Variants in BBS9 observed in about 807,000 individuals in gnomAD.
BBS9 encodes the protein Bardet-Biedl syndrome 9.
A neutral mutation model predicts 117.7 loss-of-function variants in BBS9; 89 were observed. That is an observed-to-expected ratio of 0.76 (90% CI 0.64 to 0.90). BBS9 has a LOEUF of 0.90. Ranked by LOEUF, BBS9 falls within the 40% of genes least tolerant of loss-of-function variation. The probability of loss-of-function intolerance (pLI) is 0.00; values close to 1 mark genes in which losing one functional copy is unlikely to be tolerated. For missense variants in BBS9, 982 were observed against 1,042.2 expected, an observed-to-expected ratio of 0.94 and a Z score of 0.80; for synonymous variants, 379 against 370.9, an observed-to-expected ratio of 1.02 and a Z score of -0.25.
chr7:33,558,003 T>C (rs1855539804), intron 21 of BBS9, among the ~76,000 whole-genome samples: 1 of 152,214 alleles, frequency 6.6e-6, no homozygotes, highest in African/African-American at 2.4e-5. Flanking sequence ...AGTCAGTTCA[T>C]AGAAAGAAGT....
intron 5 of BBS9, among the ~76,000 whole-genome samples, chr7:33,223,850 G>T (rs562176706): frequency 6.6e-6 from 1 of 152,134 alleles, no homozygotes; most frequent in East Asian, 1.9e-4. Flanking sequence ...GATAGCTTCC[G>T]CTCCAAGGCT....
At chr7:33,414,431 A>T (rs758573453) in intron 19 of BBS9, among the ~76,000 whole-genome samples, 1 of 152,216 alleles carries the variant, frequency 6.6e-6, no homozygotes, top group Non-Finnish European at 1.5e-5. Context: ...TAGAAAATTT[A>T]TAAAATTCAG....
At position 33,383,987 on chromosome 7, in the gene BBS9, C is replaced by T. The variant is rs1584590352; in HGVS notation, c.1962+149C>T. The stretch of plus-strand genomic sequence containing the variant: ...GATGGTGGATTTCGTGAATCCATTC[C>T]TGCCCACTTGCCCAGTTTGTGATCA... On this transcript the variant is annotated intron_variant, in intron 18 of 22. Transcript: ENST00000242067. The T allele has an allele frequency of 7.2e-6, 6 of 834,988 alleles. No homozygotes were observed. In the East Asian group the frequency reaches 8.1e-5, roughly 11 times the overall value. The allele number at this position is 834,988 out of a possible 1,614,324, so 51.7% of individuals were successfully genotyped here.
At chr7:33,168,298 T>A (rs1477100132) in intron 4 of BBS9, among the ~76,000 whole-genome samples, 1 of 152,180 alleles carries the variant, frequency 6.6e-6, no homozygotes, top group Non-Finnish European at 1.5e-5. Context: ...AAAATAATGG[T>A]CATTCGTTTA....
At chr7:33,274,994 C>CAA (rs763041758) in intron 9 of BBS9, among the ~76,000 whole-genome samples, 2,778 of 57,518 alleles carry the variant, frequency 0.048, 119 homozygotes, top group African/African-American at 0.095. Context: ...GACTGTGTCT[C>CAA]AAAAAAAAAA....
intron 20 of BBS9, among the ~76,000 whole-genome samples, chr7:33,514,635 T>C (rs1847466286): frequency 2.0e-5 from 3 of 152,214 alleles, no homozygotes; most frequent in Admixed American, 2.0e-4. Context: ...GAGAAAAATA[T>C]AGAATAAGTT....
In BBS9 at chr7:33,206,110, G is replaced by A. The variant is rs956943761; in HGVS notation, c.442+28519G>A. Among the ~76,000 whole-genome samples the A allele has an allele frequency of 3.9e-5, 6 of 152,028 alleles. No homozygotes were observed. The South Asian group carries it at 6.2e-4, about 16-fold the overall frequency. On this transcript the variant is annotated intron_variant, in intron 5 of 22. Transcript: ENST00000242067. The stretch of plus-strand genomic sequence containing the variant: ...TTCCCCTGGCAGGGAGGTCATCTGC[G>A]CATTCATCAAATATGTGTGAGCAAA...
chr7:33,534,205 A>G, intron 21 of BBS9, 29 bp downstream of exon 21: 1 of 1,595,536 alleles, frequency 6.3e-7, no homozygotes, highest in Non-Finnish European at 8.6e-7. Flanking sequence ...CTCCCTAATC[A>G]CAATTGTACT....
intron 21 of BBS9, among the ~76,000 whole-genome samples, chr7:33,550,381 A>T (rs1372037278): frequency 6.6e-6 from 1 of 152,240 alleles, no homozygotes; most frequent in Non-Finnish European, 1.5e-5. Context: ...ACAGTCATTA[A>T]GACTTATTTT....
rs918846084 is a variant in BBS9 at position 33,522,316 on chromosome 7, C to T, written c.2299-11638C>T. 8.6e-4 allele frequency among the ~76,000 whole-genome samples: 130 copies of T among 152,004 alleles called. 2 individuals are homozygous for T. The highest frequency in any genetic ancestry group is 2.9e-3 in the African/African-American group (120 of 41,448). On this transcript the variant is annotated intron_variant, in intron 20 of 22. Coordinates refer to ENST00000242067, the MANE Select transcript of BBS9 (RefSeq NM_198428.3). The stretch of plus-strand genomic sequence containing the variant: ...TTCTAGTTCTAGATCCCTGAGGAAT[C>T]GCCACACTGACTTCCACAATGGTTG...
chr7:33,378,352 C>T (rs1053444749), intron 17 of BBS9, among the ~76,000 whole-genome samples: 9 of 152,178 alleles, frequency 5.9e-5, no homozygotes, highest in African/African-American at 1.7e-4. Context: ...TGCAGTGTTA[C>T]CTTGAGTCTT....
Position 33,348,312 on chromosome 7 carries a change from A to T in BBS9, c.1330-756A>T, listed in dbSNP as rs532870454. Reference sequence around the variant, plus strand: ...TTTCAAGGTTCACCCATGTTGTGGCATGTAAATGAAATAATGCACATAAAT... The same window carrying T: ...TTTCAAGGTTCACCCATGTTGTGGCTTGTAAATGAAATAATGCACATAAAT... On this transcript the variant is annotated intron_variant, in intron 12 of 22. Coordinates refer to ENST00000242067, the MANE Select transcript of BBS9 (RefSeq NM_198428.3). Among the ~76,000 whole-genome samples, 3 of 152,268 alleles carry T rather than the reference A, an allele frequency of 2.0e-5. No individual in the cohort carries two copies. The South Asian group carries it at 6.2e-4, about 32-fold the overall frequency.
rs79271934 is a variant in BBS9, at chr7:33,605,597, G to A, written c.*371G>A. 2,220 of 267,626 alleles carry A rather than the reference G, an allele frequency of 8.3e-3. 53 individuals carry two copies. In the East Asian group the frequency reaches 0.09, roughly 11 times the overall value. The allele number at this position is 267,626 out of a possible 1,614,324, so 16.6% of individuals were successfully genotyped here. A position where few individuals can be genotyped will look rare whatever the true frequency, so the allele number is the denominator to read the frequency against. ...TTCACAGAATTCTTATATAGTAAAT[G>A]TATCAAGTTTAATAAAGCATCTCAT... On this transcript the variant is annotated 3_prime_UTR_variant, in exon 23 of 23. Coordinates refer to ENST00000242067, the MANE Select transcript of BBS9 (RefSeq NM_198428.3).
intron 1 of BBS9, among the ~76,000 whole-genome samples, chr7:33,134,172 C>T (rs1418019406): frequency 6.6e-6 from 1 of 151,680 alleles, no homozygotes; most frequent in Non-Finnish European, 1.5e-5. Flanking sequence ...GCCTCAGCCT[C>T]CCAAGTAATT....
chr7:33,486,427 A>T (rs1584992967), intron 19 of BBS9, among the ~76,000 whole-genome samples: 1 of 152,236 alleles, frequency 6.6e-6, no homozygotes, highest in African/African-American at 2.4e-5. Flanking sequence ...GCTGTAAAGA[A>T]ATTAAATTTG....
chr7:33,548,526 T>C (rs1853800357), intron 21 of BBS9, among the ~76,000 whole-genome samples: 1 of 115,438 alleles, frequency 8.7e-6, no homozygotes, highest in Non-Finnish European at 1.6e-5. Flanking sequence ...GTCCCCAGAG[T>C]GTGATATTCC....
chr7:33,466,773 A>G (rs1840221607), intron 19 of BBS9, among the ~76,000 whole-genome samples: 1 of 152,166 alleles, frequency 6.6e-6, no homozygotes, highest in Non-Finnish European at 1.5e-5. Context: ...GGACAATGCC[A>G]AGTGTTGATA....
At chr7:33,261,753 C>G (rs1254483131) in intron 6 of BBS9, among the ~76,000 whole-genome samples, 1 of 152,180 alleles carries the variant, frequency 6.6e-6, no homozygotes, top group Admixed American at 6.5e-5. Context: ...ACTACAGGAC[C>G]TGTGAAGCAT....
chr7:33,279,499 A>G (rs1177022451), intron 9 of BBS9, among the ~76,000 whole-genome samples: 1 of 152,238 alleles, frequency 6.6e-6, no homozygotes, highest in Admixed American at 6.5e-5. Context: ...GTGTTGATTT[A>G]TGAAGGAAGT....
Sources: allele counts gnomAD v4.1 joint callset (sites outside exome capture counted in the v4.1 genomes callset), GRCh38; gene constraint gnomAD v4.1.1; transcripts MANE v1.5; gene names NCBI Gene and HGNC (gene_info 2026-07-23, HGNC 2026-07-21).